NRF1: variants seen among roughly 807,000 people sequenced by gnomAD.
NRF1 encodes nuclear respiratory factor 1, also known as alpha palindromic-binding protein.
In NRF1, 5 loss-of-function variants were observed where a neutral mutation model predicts 58.5. The observed-to-expected ratio is 0.09, with a 90% CI of 0.04 to 0.18. The LOEUF is 0.18. Among genes scored for constraint, NRF1 ranks in the 10% least tolerant of loss-of-function variants. NRF1 has a pLI of 1.00. For missense variants in NRF1, 288 were observed against 657.7 expected, an observed-to-expected ratio of 0.44 and a Z score of 6.15; for synonymous variants, 224 against 246.7, an observed-to-expected ratio of 0.91 and a Z score of 0.86.
chr7:129,687,545 G>A (rs367700568), intron 4 of NRF1, among the ~76,000 whole-genome samples: 9 of 152,246 alleles, frequency 5.9e-5, no homozygotes, highest in African/African-American at 1.2e-4. Context: ...CAAAGTGCTG[G>A]GATTACAGGC....
In NRF1 at chr7:129,659,619, G is replaced by T. The variant is rs79497918; in HGVS notation, c.223+2045G>T. 1.3e-3 allele frequency among the ~76,000 whole-genome samples: 191 copies of T among 152,208 alleles called. 5 individuals carry two copies. The East Asian group carries it at 0.034, about 27-fold the overall frequency. ...TGGTTATTCTTTCCTCATGTTGAAG[G>T]TACTGTTCCACTGTCTTCTGGATTC... On this transcript the variant is annotated intron_variant, in intron 2 of 10. Coordinates refer to ENST00000393232, the MANE Select transcript of NRF1 (RefSeq NM_005011.5).
intron 1 of NRF1, among the ~76,000 whole-genome samples, chr7:129,623,174 C>T (rs1800839843): frequency 1.3e-5 from 2 of 152,278 alleles, no homozygotes; most frequent in African/African-American, 4.8e-5. Context: ...ATTTCCTTCA[C>T]ATATTAACTT....
intron 1 of NRF1, among the ~76,000 whole-genome samples, chr7:129,633,042 G>C (rs1801085697): frequency 1.3e-5 from 2 of 152,068 alleles, no homozygotes; most frequent in Admixed American, 6.5e-5. Flanking sequence ...TTGATTCTTA[G>C]TTGAAAAGGG....
At chr7:129,646,614 G>A (rs1397535772) in intron 1 of NRF1, among the ~76,000 whole-genome samples, 1 of 152,204 alleles carries the variant, frequency 6.6e-6, no homozygotes, top group Non-Finnish European at 1.5e-5. Flanking sequence ...GAGAGAAGAG[G>A]CACAGCTGGA....
intron 2 of NRF1, among the ~76,000 whole-genome samples, chr7:129,668,706 A>T (rs1457306168): frequency 6.6e-6 from 1 of 152,234 alleles, no homozygotes; most frequent in Non-Finnish European, 1.5e-5. Context: ...GAATCTAGAA[A>T]CATTATTCTA....
chr7:129,707,160 A>G (rs1802968901), intron 5 of NRF1, among the ~76,000 whole-genome samples: 1 of 151,832 alleles, frequency 6.6e-6, no homozygotes, highest in East Asian at 1.9e-4. Flanking sequence ...TAACCGACTG[A>G]GTTTTGTATT....
chr7:129,672,729 C>T (rs867717855), intron 3 of NRF1, among the ~76,000 whole-genome samples: 1 of 152,020 alleles, frequency 6.6e-6, no homozygotes, highest in Non-Finnish European at 1.5e-5. Flanking sequence ...GGAGGAGGAG[C>T]GAGCATGGCA....
intron 1 of NRF1, among the ~76,000 whole-genome samples, chr7:129,619,147 T>G (rs943293601): frequency 6.6e-6 from 1 of 151,558 alleles, no homozygotes; most frequent in Non-Finnish European, 1.5e-5. Flanking sequence ...TAGAAACCTA[T>G]GAAGTAAGTT....
chr7:129,738,557 C>T (rs62489332), intron 10 of NRF1, among the ~76,000 whole-genome samples: 12,922 of 152,248 alleles, frequency 0.085, 701 homozygotes, highest in Admixed American at 0.16. Context: ...CCATTTCAGT[C>T]GGCTGTAATT....
chr7:129,631,381 T>C (rs889573230), intron 1 of NRF1, among the ~76,000 whole-genome samples: 1 of 151,944 alleles, frequency 6.6e-6, no homozygotes, highest in Non-Finnish European at 1.5e-5. Context: ...CACCATGCCT[T>C]CCTTCTTTTT....
intron 1 of NRF1, among the ~76,000 whole-genome samples, chr7:129,613,544 G>C (rs1230772797): frequency 3.3e-5 from 5 of 150,442 alleles, no homozygotes; most frequent in African/African-American, 1.2e-4. Context: ...TTTTTCTTTT[G>C]ATAGGACTTA....
chr7:129,724,284 A>C (rs927742323), intron 9 of NRF1, among the ~76,000 whole-genome samples: 2 of 152,260 alleles, frequency 1.3e-5, no homozygotes, highest in African/African-American at 4.8e-5. Flanking sequence ...ATGGCCAATA[A>C]GCACAGGAAA....
At chr7:129,661,157 C>A (rs935264000) in intron 2 of NRF1, among the ~76,000 whole-genome samples, 1 of 151,348 alleles carries the variant, frequency 6.6e-6, no homozygotes, top group Admixed American at 6.5e-5. Flanking sequence ...TACAGGGCAC[C>A]AAGCCCCTAG....
At chr7:129,681,513 A>T (rs1363058383) in intron 4 of NRF1, among the ~76,000 whole-genome samples, 1 of 152,230 alleles carries the variant, frequency 6.6e-6, no homozygotes, top group Admixed American at 6.5e-5. Flanking sequence ...CCTAATTGTC[A>T]AGGCAAAAAA....
At chr7:129,650,961 G>A (rs1394205636) in intron 1 of NRF1, among the ~76,000 whole-genome samples, 1 of 152,078 alleles carries the variant, frequency 6.6e-6, no homozygotes, top group Non-Finnish European at 1.5e-5. Context: ...GTCTGATGAT[G>A]TCCAGCAATA....
At chr7:129,649,157 T>G (rs1801478837) in intron 1 of NRF1, among the ~76,000 whole-genome samples, 1 of 152,202 alleles carries the variant, frequency 6.6e-6, no homozygotes, top group Non-Finnish European at 1.5e-5. Flanking sequence ...GAGATTTCCA[T>G]CCATTACCCT....
intron 8 of NRF1, among the ~76,000 whole-genome samples, chr7:129,716,743 C>T (rs570499552): frequency 1.8e-4 from 27 of 152,066 alleles, no homozygotes; most frequent in African/African-American, 6.5e-4. Context: ...TGGTGGTACA[C>T]ACCTATAGTC....
At chr7:129,751,653 G>A (rs184833516) in intron 10 of NRF1, among the ~76,000 whole-genome samples, 22 of 149,910 alleles carry the variant, frequency 1.5e-4, no homozygotes, top group Admixed American at 9.3e-4. Flanking sequence ...TGTAGTCACT[G>A]TATTTGTACA....
At chr7:129,662,383 AGTGTGT>A (rs3042950) in intron 2 of NRF1, among the ~76,000 whole-genome samples, 16,853 of 145,718 alleles carry the variant, frequency 0.12, 1,416 homozygotes, top group African/African-American at 0.24. Context: ...TAGAATTTCT[AGTGTGT>A]GTGTGTGTGT....
Sources: gnomAD v4.1 joint callset for allele counts (sites outside exome capture counted in the v4.1 genomes callset) on GRCh38, gnomAD v4.1.1 for gene constraint, MANE v1.5 for transcripts, NCBI Gene and HGNC (gene_info 2026-07-23, HGNC 2026-07-21) for gene names.